ACSM2A: variants seen among roughly 807,000 people sequenced by gnomAD.
The protein encoded by ACSM2A is acyl-coenzyme A synthetase ACSM2A, mitochondrial.
A neutral mutation model predicts 76.6 loss-of-function variants in ACSM2A; 72 were observed. That is an observed-to-expected ratio of 0.94 (90% CI 0.78 to 1.14). The LOEUF is 1.14. Among genes scored for constraint, ACSM2A ranks in the 50% most tolerant of loss-of-function variants. The pLI, the probability that ACSM2A is intolerant of heterozygous loss-of-function variation, is 0.00. For synonymous variants in ACSM2A, 249 were observed against 255.9 expected (o/e 0.97, Z 0.26); for missense variants, 684 against 708.5 (o/e 0.97, Z 0.39).
At chr16:20,471,450 T>A in intron 5 of ACSM2A, 86 bp from the exon 6 acceptor site, 1 of 1,523,878 alleles carries the variant, frequency 6.6e-7, no homozygotes, top group Non-Finnish European at 8.9e-7. Context: ...CACACACACC[T>A]CCCTTTCCTC....
intron 2 of ACSM2A, among the ~76,000 whole-genome samples, chr16:20,462,501 GA>G (rs1307458520): frequency 6.6e-6 from 1 of 152,182 alleles, no homozygotes; most frequent in African/African-American, 2.4e-5. Flanking sequence ...AGGCTGTGAG[GA>G]AACAGACACT....
rs530414311 is a variant in ACSM2A at position 20,468,958 on chromosome 16, T to C, written c.389-554T>C. Among the ~76,000 whole-genome samples, 810 of 152,340 alleles carry C rather than the reference T, an allele frequency of 5.3e-3. 9 individuals carry two copies. The highest frequency in any genetic ancestry group is 0.018 in the African/African-American group (761 of 41,582). On this transcript the variant is annotated intron_variant, in intron 3 of 13. Coordinates refer to ENST00000573854, the MANE Select transcript of ACSM2A (RefSeq NM_001308172.2). ...AGCTTAATTTAATCATCTCACATTG[T>C]CTTCAAAAATTATAATACCACTTTG...
At chr16:20,485,320 T>C (rs1335106696) in intron 13 of ACSM2A, among the ~76,000 whole-genome samples, 1 of 152,178 alleles carries the variant, frequency 6.6e-6, no homozygotes, top group Admixed American at 6.5e-5. Context: ...TGCAAGTCTC[T>C]CCTCTAGAAT....
At chr16:20,459,387 A>G (rs2012463327) in intron 1 of ACSM2A, among the ~76,000 whole-genome samples, 1 of 152,236 alleles carries the variant, frequency 6.6e-6, no homozygotes, top group Non-Finnish European at 1.5e-5. Flanking sequence ...TTCACTTTAA[A>G]GAAAAGGATG....
At chr16:20,467,457 C>T (rs1282926090) in intron 3 of ACSM2A, among the ~76,000 whole-genome samples, 1 of 152,018 alleles carries the variant, frequency 6.6e-6, no homozygotes, top group Non-Finnish European at 1.5e-5. Context: ...ATGAAGAAGA[C>T]AATAGTGGGG....
chr16:20,467,035 G>C (rs537671132), intron 3 of ACSM2A, among the ~76,000 whole-genome samples: 2 of 152,284 alleles, frequency 1.3e-5, no homozygotes, highest in East Asian at 1.9e-4. Context: ...CTATGTCCAG[G>C]GATGAGCAAA....
At chr16:20,466,622 G>T (rs1339593833) in intron 3 of ACSM2A, among the ~76,000 whole-genome samples, 2 of 152,224 alleles carry the variant, frequency 1.3e-5, no homozygotes, top group Non-Finnish European at 2.9e-5. Context: ...AATGCTGATT[G>T]GTTTGGCTGG....
chr16:20,465,419 C>T (rs2012924961), intron 2 of ACSM2A, 98 bp from the exon 3 acceptor site: 1 of 1,487,630 alleles, frequency 6.7e-7, no homozygotes, highest in South Asian at 1.3e-5. Flanking sequence ...AGATAAAAAA[C>T]CTTACTAAGC....
chr16:20,472,705 T>C (rs1443858592), intron 6 of ACSM2A, among the ~76,000 whole-genome samples: 2 of 151,532 alleles, frequency 1.3e-5, no homozygotes, highest in African/African-American at 4.9e-5. Context: ...TTATCTCTTC[T>C]TGGAATTTCA....
At chr16:20,469,431 G>C (rs1056131451) in intron 3 of ACSM2A, 81 bp from the exon 4 acceptor site, 42 of 1,586,626 alleles carry the variant, frequency 2.6e-5, no homozygotes, top group East Asian at 9.0e-5. Flanking sequence ...CCACTTGCTC[G>C]CTGCTTGATG....
rs9806789 is a variant in ACSM2A at position 20,472,661 on chromosome 16, T to G, written c.894+972T>G. On this transcript the variant is annotated intron_variant, in intron 6 of 13. Transcript: ENST00000573854. ...ACAGCATCTGCCCCCCATAAGTTAA[T>G]CATTCATTTGATACCTATCACCATA... is the stretch of plus-strand genomic sequence containing the variant. Among the ~76,000 whole-genome samples the G allele has an allele frequency of 4.2e-4, 64 of 151,946 alleles. 1 individual carries two copies. The highest frequency in any genetic ancestry group is 1.5e-3 in the African/African-American group (62 of 41,238).
chr16:20,457,186 G>A (rs540039747), intron 1 of ACSM2A, among the ~76,000 whole-genome samples: 3 of 151,362 alleles, frequency 2.0e-5, no homozygotes, highest in African/African-American at 4.8e-5. Context: ...CAACAACAAC[G>A]ACAACAAAAA....
At chr16:20,477,145 G>C in intron 8 of ACSM2A, 2 of 654,630 alleles carry the variant, frequency 3.1e-6, no homozygotes, top group Non-Finnish European at 4.6e-6. Flanking sequence ...TCCTCTTCCT[G>C]GGGAGTGGTA....
At chr16:20,466,561 G>A (rs1190745380) in intron 3 of ACSM2A, among the ~76,000 whole-genome samples, 2 of 152,226 alleles carry the variant, frequency 1.3e-5, no homozygotes, top group Non-Finnish European at 2.9e-5. Flanking sequence ...GGAAATCAGA[G>A]ACTAGAGTTT....
intron 2 of ACSM2A, among the ~76,000 whole-genome samples, chr16:20,464,902 G>C (rs916821239): frequency 6.6e-6 from 1 of 152,052 alleles, no homozygotes; most frequent in Admixed American, 6.6e-5. Flanking sequence ...TAATGCCACT[G>C]AACTGTACAC....
At chr16:20,486,427 C>A (rs1430827321) in intron 13 of ACSM2A, 147 bp from the exon 14 acceptor site, 1 of 778,516 alleles carries the variant, frequency 1.3e-6, no homozygotes, top group Non-Finnish European at 2.1e-6. Flanking sequence ...CATCCCAGAG[C>A]ACTTTCTGAA....
chr16:20,465,521 G>T lies in ACSM2A; in HGVS notation c.182G>T (p.Gly61Val). 2 of 1,613,848 alleles carry T rather than the reference G, an allele frequency of 1.2e-6. No individual in the cohort carries two copies. Among genetic ancestry groups the T allele is most frequent in the Non-Finnish European group, 1.7e-6 (2 of 1,179,784 alleles). ...ACAGGGCTTCTCTTTCCTCAGGCTG[G>T]CAAGCGACTCCCAAGCCCAGCCCTG... ...LDHWADMEKAGKRLPSPALWW... is the reference protein window; with the variant it reads ...LDHWADMEKAVKRLPSPALWW... Residue 61 changes from glycine to valine, a missense_variant, in exon 3 of 14, where the codon GGC (glycine) becomes GTC (valine). Physicochemically the swap from Gly to Val is moderately radical, Grantham distance 109. Transcript: ENST00000573854.
At chr16:20,459,186 G>A (rs952391191) in intron 1 of ACSM2A, among the ~76,000 whole-genome samples, 1 of 151,910 alleles carries the variant, frequency 6.6e-6, no homozygotes, top group African/African-American at 2.4e-5. Flanking sequence ...AGGGTACAAA[G>A]TGGGTTAAGT....
intron 13 of ACSM2A, 46 bp from the exon 14 acceptor site, chr16:20,486,528 C>A (rs767846147): frequency 6.2e-6 from 10 of 1,606,072 alleles, no homozygotes; most frequent in Non-Finnish European, 8.5e-6. Flanking sequence ...ATGCAACCCA[C>A]TGTCGTCACA....
Sources: allele counts gnomAD v4.1 joint callset (sites outside exome capture counted in the v4.1 genomes callset), GRCh38; gene constraint gnomAD v4.1.1; transcripts MANE v1.5; gene names NCBI Gene and HGNC (gene_info 2026-07-23, HGNC 2026-07-21).